Variants in NBPF4 observed in about 807,000 individuals in gnomAD.
NBPF4 encodes the protein NBPF family member NBPF4.
A neutral mutation model predicts 21.1 loss-of-function variants in NBPF4; 11 were observed. That is an observed-to-expected ratio of 0.52 (90% confidence interval 0.33 to 0.86). The LOEUF is 0.86. Ranked by LOEUF, NBPF4 falls within the 40% of genes least tolerant of loss-of-function variation. The probability of loss-of-function intolerance (pLI) is 0.03; values close to 1 mark genes in which losing one functional copy is unlikely to be tolerated. For synonymous variants in NBPF4, 47 were observed against 106.4 expected (o/e 0.44, Z 3.43); for missense variants, 88 against 265.3 (o/e 0.33, Z 4.64).
At chr1:108,266,446 C>A in the NBPF4 span, among the ~76,000 whole-genome samples, 1 of 126,056 alleles carries the variant, frequency 7.9e-6, no homozygotes, top group African/African-American at 3.0e-5. Context: ...CTACTCCTAT[C>A]TTTACTATTT....
rs780353873 is a variant in NBPF4, at chr1:108,223,645, C to T, written c.*60G>A. 6 of 1,501,390 alleles carry T rather than the reference C, an allele frequency of 4.0e-6. No homozygotes were observed. Among genetic ancestry groups the T allele is most frequent in the African/African-American group, 2.8e-5 (2 of 71,100 alleles). 93.0% of individuals were successfully genotyped at this position (1,501,390 alleles called of 1,614,324 possible). On this transcript the variant is annotated 3_prime_UTR_variant, in exon 15 of 15. Coordinates refer to ENST00000415641, the MANE Select transcript of NBPF4 (RefSeq NM_001143989.3). ...CTGCAGTATTGTGTTTGGACTTAAA[C>T]TTGCTTTGCTGTTTTAGTTGTTTTT...
chr1:108,226,272 T>C (rs1290351892), intron 14 of NBPF4, among the ~76,000 whole-genome samples: 28 of 151,506 alleles, frequency 1.8e-4, no homozygotes, highest in Admixed American at 3.3e-4. Context: ...GTAAATGATG[T>C]ATTAAAGCAA....
rs1226874548 is a variant in NBPF4 at position 108,223,620 on chromosome 1, C to T, written c.*85G>A. On this transcript the variant is annotated 3_prime_UTR_variant, in exon 15 of 15. Coordinates refer to ENST00000415641, the MANE Select transcript of NBPF4 (RefSeq NM_001143989.3). ...AAATTCAATCCTCAGTGAAGGACCC[C>T]TGCAGTATTGTGTTTGGACTTAAAC... is the stretch of plus-strand genomic sequence containing the variant. 1 of 1,185,066 alleles carries T rather than the reference C, an allele frequency of 8.4e-7. No homozygotes were observed. Among genetic ancestry groups the T allele is most frequent in the African/African-American group, 1.5e-5 (1 of 65,360 alleles). The allele number at this position is 1,185,066 out of a possible 1,614,324, so 73.4% of individuals were successfully genotyped here.
the NBPF4 span, among the ~76,000 whole-genome samples, chr1:108,257,539 T>C: frequency 1.3e-5 from 2 of 148,500 alleles, no homozygotes; most frequent in East Asian, 1.9e-4. Flanking sequence ...TTTTTATATA[T>C]GGAGTGACAC....
upstream of NBPF4, among the ~76,000 whole-genome samples, chr1:108,247,831 C>CTTTTT (rs61276485): frequency 2.3e-5 from 2 of 85,206 alleles, no homozygotes; most frequent in African/African-American, 4.4e-5. Context: ...GTGTGAGATG[C>CTTTTT]TTTTTTTTTT....
intron 14 of NBPF4, among the ~76,000 whole-genome samples, chr1:108,226,466 G>A (rs1649476296): frequency 6.6e-6 from 1 of 150,948 alleles, no homozygotes; most frequent in Admixed American, 6.6e-5. Context: ...AGCAGAAAAA[G>A]GAATAGAGCA....
the NBPF4 span, among the ~76,000 whole-genome samples, chr1:108,264,893 T>C: frequency 8.3e-6 from 1 of 121,034 alleles, no homozygotes; most frequent in Non-Finnish European, 1.8e-5. Context: ...GCAAAAGCAG[T>C]GTTAAGAGAG....
At chr1:108,224,899 G>A (rs1055751987) in intron 14 of NBPF4, among the ~76,000 whole-genome samples, 2 of 150,484 alleles carry the variant, frequency 1.3e-5, no homozygotes, top group Non-Finnish European at 3.0e-5. Flanking sequence ...GTCTTAATTT[G>A]TTATTGTATG....
At chr1:108,244,901 GATATATATATAT>G (rs1173565670), upstream of NBPF4, among the ~76,000 whole-genome samples, 606 of 12,436 alleles carry the variant, frequency 0.049, 85 homozygotes, top group Non-Finnish European at 0.053. Context: ...TATTGTTGGA[GATATATATATAT>G]ATATATATAT....
the NBPF4 span, among the ~76,000 whole-genome samples, chr1:108,256,470 C>T: frequency 2.4e-5 from 3 of 126,532 alleles, no homozygotes; most frequent in East Asian, 2.4e-4. Flanking sequence ...GGGTCTCTTC[C>T]TTCCTTCCTT....
At position 108,224,511 on chromosome 1, in the gene NBPF4, A is replaced by T. The variant is rs569261746; in HGVS notation, c.1876-765T>A. ...GTTTCTTTGGTTGGTTAAAAAAAAT[A>T]AAAAATATATATAATTATAAGTTTT... On this transcript the variant is annotated intron_variant, in intron 14 of 14. Coordinates refer to ENST00000415641, the MANE Select transcript of NBPF4 (RefSeq NM_001143989.3). Among the ~76,000 whole-genome samples, 553 of 147,424 alleles carry T rather than the reference A, an allele frequency of 3.8e-3. 22 individuals carry two copies. Among genetic ancestry groups the T allele is most frequent in the African/African-American group, 0.014 (539 of 39,332 alleles).
At chr1:108,258,447 T>C in the NBPF4 span, among the ~76,000 whole-genome samples, 1,102 of 139,192 alleles carry the variant, frequency 7.9e-3, 136 homozygotes, top group African/African-American at 0.029. Context: ...TTACATAAAA[T>C]AGAATTGATT....
At chr1:108,259,851 T>C in the NBPF4 span, among the ~76,000 whole-genome samples, 1 of 150,486 alleles carries the variant, frequency 6.6e-6, no homozygotes, top group African/African-American at 2.5e-5. Flanking sequence ...TCATTAATAT[T>C]ATTAATAGAT....
the NBPF4 span, among the ~76,000 whole-genome samples, chr1:108,257,762 C>CTTTTTTTTT: frequency 3.9e-3 from 216 of 54,760 alleles, 1 homozygote; most frequent in Middle Eastern, 0.015. Flanking sequence ...CTTTTCTTTT[C>CTTTTTTTTT]TTTTTTTTTT....
At position 108,229,104 on chromosome 1, in the gene NBPF4, G is replaced by A. The variant is rs564432852; in HGVS notation, c.1476C>T (p.His492=). The change falls in exon 13 of 15, where the codon CAC becomes CAT. Residue 492 remains histidine, a synonymous_variant. Transcript: ENST00000415641. ...GTGAAACTTGCACCTCTGACTGGTG[G>A]TGGCTCAAGTCTCCACTCCAAGTCC... ...PQGTWSGDLS[H]HQSEVQVSQA... The A allele has an allele frequency of 3.9e-6, 6 of 1,550,972 alleles. No homozygotes were observed. Among genetic ancestry groups the A allele is most frequent in the Non-Finnish European group, 5.2e-6 (6 of 1,146,522 alleles).
chr1:108,258,325 T>G, the NBPF4 span, among the ~76,000 whole-genome samples: 1 of 137,194 alleles, frequency 7.3e-6, no homozygotes, highest in African/African-American at 2.8e-5. Flanking sequence ...GTATTCATTA[T>G]GTTCTCTGTG....
intron 13 of NBPF4, among the ~76,000 whole-genome samples, chr1:108,228,661 G>A (rs1649550942): frequency 6.6e-6 from 1 of 151,684 alleles, no homozygotes; most frequent in South Asian, 2.1e-4. Context: ...AGGTATCTTA[G>A]ATGAGGGAAC....
In NBPF4 at chr1:108,228,991, T is replaced by C. The variant is rs1212444292; in HGVS notation, c.1589A>G (p.Gln530Arg). ...GCAGGTGGTGGAGGAAAGGCCCCGC[T>C]GGGCCAAGCCGTTCCCACAGTGGAA... The part of the protein sequence containing the change: ...QGFHCGNGLA[Q>R]RGLSSTTCSF... Residue 530 changes from glutamine (Q) to arginine (R), a missense_variant, in exon 13 of 15, where the codon CAG (glutamine) becomes CGG (arginine). Physicochemically the swap from Gln to Arg is conservative, Grantham distance 43. Coordinates refer to ENST00000415641, the MANE Select transcript of NBPF4 (RefSeq NM_001143989.3). The C allele has an allele frequency of 6.5e-7, 1 of 1,543,410 alleles. No individual in the cohort carries two copies. Among genetic ancestry groups the C allele is most frequent in the Non-Finnish European group, 8.8e-7 (1 of 1,140,790 alleles).
rs1291634525 is a variant in NBPF4, at chr1:108,223,383, C to T, written c.*322G>A. The T allele has an allele frequency of 2.1e-5, 6 of 291,238 alleles. No individual in the cohort carries two copies. Among genetic ancestry groups the T allele is most frequent in the African/African-American group, 1.3e-4 (6 of 45,994 alleles). The allele number at this position is 291,238 out of a possible 1,614,324, so 18.0% of individuals were successfully genotyped here. The stretch of plus-strand genomic sequence containing the variant: ...TGCTCATACTCTGCCCTGGCAGAGT[C>T]CCGGCTGACATGCTGTCTCCTGCCA... On this transcript the variant is annotated 3_prime_UTR_variant, in exon 15 of 15. Transcript: ENST00000415641.
Sources: allele counts gnomAD v4.1 joint callset (sites outside exome capture counted in the v4.1 genomes callset), GRCh38; gene constraint gnomAD v4.1.1; transcripts MANE v1.5; gene names NCBI Gene and HGNC (gene_info 2026-07-23, HGNC 2026-07-21).